Variants in NRXN3 observed in about 807,000 individuals in gnomAD.
NRXN3 encodes neurexin III.
A neutral mutation model predicts 137.6 loss-of-function variants in NRXN3; 32 were observed. That is an observed-to-expected ratio of 0.23 (90% confidence interval 0.18 to 0.31). The LOEUF (loss-of-function observed/expected upper bound fraction) is 0.31, where lower values mean the gene tolerates loss of function less well. NRXN3 is among the 10% of genes least tolerant of loss of function. NRXN3 has a pLI of 1.00. For missense variants in NRXN3, 1,574 were observed against 2,062.5 expected, an observed-to-expected ratio of 0.76 and a Z score of 4.59; for synonymous variants, 798 against 784.5, an observed-to-expected ratio of 1.02 and a Z score of -0.29.
At chr14:79,634,405 A>T (rs1182999763) in intron 16 of NRXN3, among the ~76,000 whole-genome samples, 2 of 152,216 alleles carry the variant, frequency 1.3e-5, no homozygotes, top group African/African-American at 2.4e-5. Context: ...TCATATTGAC[A>T]TCAGGTTTAC....
chr14:79,349,495 T>C (rs975788283), intron 15 of NRXN3, among the ~76,000 whole-genome samples: 5 of 150,938 alleles, frequency 3.3e-5, no homozygotes, highest in African/African-American at 1.2e-4. Context: ...AAAGCCCATG[T>C]TATGGGTTGA....
At chr14:79,092,491 A>G (rs181444197) in intron 15 of NRXN3, among the ~76,000 whole-genome samples, 2,530 of 152,306 alleles carry the variant, frequency 0.017, 37 homozygotes, top group Middle Eastern at 0.034. Flanking sequence ...GTGCATGCAC[A>G]CACACACACA....
chr14:78,544,503 G>A (rs1360124057), intron 4 of NRXN3, among the ~76,000 whole-genome samples: 1 of 152,194 alleles, frequency 6.6e-6, no homozygotes, highest in East Asian at 1.9e-4. Flanking sequence ...CTTTATAATC[G>A]GGAAAAGTCC....
At chr14:78,739,523 G>A (rs561163785) in intron 8 of NRXN3, among the ~76,000 whole-genome samples, 27 of 152,296 alleles carry the variant, frequency 1.8e-4, no homozygotes, top group African/African-American at 6.3e-4. Context: ...TGCGGCTGGA[G>A]TAAAATGGCG....
chr14:79,667,546 C>T (rs2098569896), intron 17 of NRXN3, among the ~76,000 whole-genome samples: 1 of 151,870 alleles, frequency 6.6e-6, no homozygotes, highest in African/African-American at 2.4e-5. Flanking sequence ...GTAGCACTGG[C>T]TCTTTCTTTG....
chr14:78,457,867 G>T (rs557233818), intron 4 of NRXN3, among the ~76,000 whole-genome samples: 3 of 152,088 alleles, frequency 2.0e-5, no homozygotes, highest in African/African-American at 7.2e-5. Flanking sequence ...GTGATCTCTT[G>T]CATTAGTTCT....
chr14:79,253,754 T>G (rs1194184144), intron 15 of NRXN3, among the ~76,000 whole-genome samples: 1 of 152,146 alleles, frequency 6.6e-6, no homozygotes, highest in Non-Finnish European at 1.5e-5. Context: ...ATGAACTCAC[T>G]CACTATCATG....
intron 4 of NRXN3, among the ~76,000 whole-genome samples, chr14:78,314,719 T>C (rs2078356812): frequency 1.3e-5 from 2 of 152,222 alleles, no homozygotes; most frequent in South Asian, 2.1e-4. Context: ...AGTTGTGTTC[T>C]GTGCTTCTGT....
At chr14:78,660,209 G>A (rs575152919) in intron 6 of NRXN3, among the ~76,000 whole-genome samples, 32 of 150,792 alleles carry the variant, frequency 2.1e-4, no homozygotes, top group African/African-American at 5.7e-4. Context: ...ACTAAAGAAG[G>A]ATTTGCTGCT....
intron 20 of NRXN3, among the ~76,000 whole-genome samples, chr14:79,819,321 T>G (rs1409238710): frequency 6.6e-6 from 1 of 152,076 alleles, no homozygotes; most frequent in Non-Finnish European, 1.5e-5. Flanking sequence ...AGGTCATAGT[T>G]TACCCCAATC....
At chr14:78,896,339 C>T (rs1404161349) in intron 10 of NRXN3, among the ~76,000 whole-genome samples, 1 of 151,792 alleles carries the variant, frequency 6.6e-6, no homozygotes, top group East Asian at 1.9e-4. Flanking sequence ...TTTTTTATTT[C>T]AGCATAAGAA....
intron 4 of NRXN3, among the ~76,000 whole-genome samples, chr14:78,383,847 G>C (rs1019753376): frequency 1.3e-5 from 2 of 152,210 alleles, no homozygotes; most frequent in South Asian, 2.1e-4. Flanking sequence ...TTCCCACCTA[G>C]GAGAATTTTT....
chr14:78,688,177 G>T (rs998058841), intron 6 of NRXN3, among the ~76,000 whole-genome samples: 5 of 152,156 alleles, frequency 3.3e-5, no homozygotes, highest in African/African-American at 4.8e-5. Flanking sequence ...GGACTTATAG[G>T]TACCTGTTGA....
At chr14:78,615,506 G>A (rs2097339373) in intron 4 of NRXN3, among the ~76,000 whole-genome samples, 1 of 152,070 alleles carries the variant, frequency 6.6e-6, no homozygotes, top group Non-Finnish European at 1.5e-5. Flanking sequence ...AGCTACTTGG[G>A]AGGCTGAGGC....
chr14:78,262,529 G>A (rs936511581), intron 2 of NRXN3, among the ~76,000 whole-genome samples: 21 of 152,118 alleles, frequency 1.4e-4, no homozygotes, highest in African/African-American at 2.7e-4. Context: ...CTTATTGCTC[G>A]AATAGCTGCA....
chr14:79,394,492 A>T lies in NRXN3; in HGVS notation c.3263-72729A>T, dbSNP rs570488040. Among the ~76,000 whole-genome samples, 13 of 152,282 alleles carry T rather than the reference A, an allele frequency of 8.5e-5. No individual in the cohort carries two copies. The South Asian group carries it at 2.7e-3, about 32-fold the overall frequency. ...TTTTTACTCAGGCAGTCTCAAGATA[A>T]CATTTGTTGAGGGTCTATTAACAAC... On this transcript the variant is annotated intron_variant, in intron 15 of 20. Transcript: ENST00000335750.
intron 7 of NRXN3, among the ~76,000 whole-genome samples, chr14:78,712,419 C>A (rs2098413428): frequency 6.6e-6 from 1 of 152,150 alleles, no homozygotes; most frequent in Non-Finnish European, 1.5e-5. Flanking sequence ...GATTGAAAAA[C>A]AAAAGGCAAA....
intron 5 of NRXN3, among the ~76,000 whole-genome samples, chr14:78,650,786 A>G (rs1264701822): frequency 1.3e-5 from 2 of 152,182 alleles, no homozygotes; most frequent in African/African-American, 4.8e-5. Context: ...GCTGTTTTTC[A>G]CTACCACCAT....
chr14:78,221,802 C>A (rs977710757), intron 1 of NRXN3, among the ~76,000 whole-genome samples: 13 of 152,130 alleles, frequency 8.5e-5, no homozygotes, highest in African/African-American at 2.9e-4. Flanking sequence ...ATCGTGAGGG[C>A]AGAGGTGCCA....
Sources: gnomAD v4.1 joint callset for allele counts (sites outside exome capture counted in the v4.1 genomes callset) on GRCh38, gnomAD v4.1.1 for gene constraint, MANE v1.5 for transcripts, NCBI Gene and HGNC (gene_info 2026-07-23, HGNC 2026-07-21) for gene names.